SNTG2: variants seen among roughly 807,000 people sequenced by gnomAD.
SNTG2 encodes the protein syntrophin gamma 2.
Under a neutral mutation model 70.9 loss-of-function variants are expected in SNTG2, and 74 were observed. The observed-to-expected ratio is 1.04, with a 90% CI of 0.86 to 1.27. SNTG2 has a LOEUF of 1.27. Ranked by LOEUF, SNTG2 falls within the 50% of genes most tolerant of loss-of-function variation. The pLI is 0.00. For synonymous variants in SNTG2, 278 were observed against 273.8 expected (o/e 1.02, Z -0.15); for missense variants, 717 against 690.7 (o/e 1.04, Z -0.43).
intron 7 of SNTG2, among the ~76,000 whole-genome samples, chr2:1,168,278 G>T (rs932849622): frequency 6.5e-5 from 9 of 138,872 alleles, no homozygotes; most frequent in Non-Finnish European, 1.6e-5. Context: ...CAGAACTGAA[G>T]CCTAGAAGCC....
intron 6 of SNTG2, among the ~76,000 whole-genome samples, chr2:1,154,654 A>G (rs1294148574): frequency 6.6e-6 from 1 of 151,986 alleles, no homozygotes; most frequent in Non-Finnish European, 1.5e-5. Context: ...ATCAAATACC[A>G]CCGCATGTCT....
intron 1 of SNTG2, among the ~76,000 whole-genome samples, chr2:957,308 T>G (rs1439583121): frequency 2.6e-5 from 4 of 151,954 alleles, no homozygotes; most frequent in Admixed American, 2.6e-4. Context: ...CACTAGAAAT[T>G]TTACCACCTC....
chr2:1,155,176 C>CA lies in SNTG2; in HGVS notation c.412-10372_412-10371insA, dbSNP rs547352326. Among the ~76,000 whole-genome samples the CA allele has an allele frequency of 6.0e-4, 88 of 147,354 alleles. No homozygotes were observed. In the East Asian group the frequency reaches 9.1e-3, roughly 15 times the overall value. Reference sequence around the variant, plus strand: ...ATACACACACACACGTAGACCCCCCCCCCACACACATATATAGACCACACA... The same window carrying CA: ...ATACACACACACACGTAGACCCCCCCACCCACACACATATATAGACCACACA... On this transcript the variant is annotated intron_variant, in intron 6 of 16. Coordinates refer to ENST00000308624, the MANE Select transcript of SNTG2 (RefSeq NM_018968.4).
At chr2:1,172,956 C>A in intron 7 of SNTG2, 136 bp from the exon 8 acceptor site, 3 of 733,428 alleles carry the variant, frequency 4.1e-6, no homozygotes, top group South Asian at 3.5e-5. Context: ...TTGGGGATGA[C>A]CCAGCCCATA....
intron 7 of SNTG2, among the ~76,000 whole-genome samples, chr2:1,167,386 A>G (rs1670794151): frequency 6.7e-6 from 1 of 148,972 alleles, no homozygotes. Flanking sequence ...GCAGAACTGA[A>G]ACCTACAGGC....
At chr2:1,226,007 G>GA (rs879492996) in intron 9 of SNTG2, among the ~76,000 whole-genome samples, 78 of 137,290 alleles carry the variant, frequency 5.7e-4, no homozygotes, top group African/African-American at 9.8e-4. Context: ...CTGGAAAAAA[G>GA]AAAAAAAAAA....
In SNTG2 at chr2:1,314,670, C is replaced by T. The variant is rs148398878; in HGVS notation, c.1378-1595C>T. On this transcript the variant is annotated intron_variant, in intron 15 of 16. Coordinates refer to ENST00000308624, the MANE Select transcript of SNTG2 (RefSeq NM_018968.4). The stretch of plus-strand genomic sequence containing the variant: ...GCTTCACTTCTGGAATTGACAACCA[C>T]GGGATATTAGTCCATTCTCATACTG... Among the ~76,000 whole-genome samples, 18 of 152,328 alleles carry T rather than the reference C, an allele frequency of 1.2e-4. No homozygotes were observed. In the East Asian group the frequency reaches 1.4e-3, roughly 11 times the overall value.
At chr2:1,346,482 A>T (rs1475958601) in intron 16 of SNTG2, 1 of 151,848 alleles carries the variant, frequency 6.6e-6, no homozygotes, top group Non-Finnish European at 1.5e-5. Flanking sequence ...ATCCCACCCA[A>T]CCTCTCCAGT....
At chr2:1,111,771 T>C (rs2148250014) in intron 4 of SNTG2, among the ~76,000 whole-genome samples, 1 of 152,378 alleles carries the variant, frequency 6.6e-6, no homozygotes, top group Non-Finnish European at 1.5e-5. Context: ...GGTTTAACCC[T>C]TACAGTCCTT....
chr2:1,019,760 A>G (rs1660054305), intron 1 of SNTG2, among the ~76,000 whole-genome samples: 1 of 152,252 alleles, frequency 6.6e-6, no homozygotes, highest in South Asian at 2.1e-4. Flanking sequence ...ATTAACATCA[A>G]CACAGAGGCC....
chr2:1,042,733 G>T (rs1184033408), intron 1 of SNTG2, among the ~76,000 whole-genome samples: 1 of 152,158 alleles, frequency 6.6e-6, no homozygotes, highest in African/African-American at 2.4e-5. Flanking sequence ...GTATTCCATG[G>T]TGTATATGGA....
At chr2:1,366,672 C>T (rs977452688) in intron 16 of SNTG2, among the ~76,000 whole-genome samples, 3 of 152,208 alleles carry the variant, frequency 2.0e-5, no homozygotes, top group Admixed American at 2.0e-4. Flanking sequence ...TCGCTTCCCG[C>T]CGTGCTGTGC....
Position 951,012 on chromosome 2 carries a change from C to T in SNTG2, c.16C>T (p.Pro6Ser), listed in dbSNP as rs1379479844. 1.6e-6 allele frequency: 2 copies of T among 1,262,250 alleles called. No individual in the cohort carries two copies. Among genetic ancestry groups the T allele is most frequent in the Admixed American group, 4.0e-5 (1 of 25,164 alleles). 78.2% of individuals were successfully genotyped at this position (1,262,250 alleles called of 1,614,324 possible). A position where few individuals can be genotyped will look rare whatever the true frequency, so the allele number is the denominator to read the frequency against. ...AGGGGCGGCGATGGGCACCGAGGGACCCCCGCCCCCGGCCGCCTCCCGCGG... is the reference window on the plus strand; with the variant it reads ...AGGGGCGGCGATGGGCACCGAGGGATCCCCGCCCCCGGCCGCCTCCCGCGG... MGTEG[P>S]PPPAASRGRQ... is the part of the protein sequence containing the mutation. The change falls in exon 1 of 17, where the codon CCC becomes TCC. Residue 6 changes from proline to serine, a missense_variant. By Grantham distance (74) the Pro-to-Ser change is moderately conservative. Coordinates refer to ENST00000308624, the MANE Select transcript of SNTG2 (RefSeq NM_018968.4).
intron 1 of SNTG2, among the ~76,000 whole-genome samples, chr2:1,058,677 G>A (rs1662618170): frequency 6.6e-6 from 1 of 152,218 alleles, no homozygotes. Flanking sequence ...CATGGGAGTA[G>A]CATCATCCTT....
At chr2:1,014,501 A>G (rs1365204632) in intron 1 of SNTG2, among the ~76,000 whole-genome samples, 6 of 81,224 alleles carry the variant, frequency 7.4e-5, no homozygotes, top group South Asian at 4.0e-4. Flanking sequence ...TGGTCTGGAG[A>G]GGGATTTATA....
At chr2:1,153,366 T>C (rs1330438722) in intron 6 of SNTG2, among the ~76,000 whole-genome samples, 1 of 152,230 alleles carries the variant, frequency 6.6e-6, no homozygotes, top group Non-Finnish European at 1.5e-5. Context: ...CCATTAACCC[T>C]TGTTACATGA....
At chr2:1,099,015 C>T (rs1428970117) in intron 4 of SNTG2, among the ~76,000 whole-genome samples, 1 of 152,228 alleles carries the variant, frequency 6.6e-6, no homozygotes, top group Non-Finnish European at 1.5e-5. Context: ...TCTGGCCACA[C>T]ATTCCACTAT....
chr2:1,326,691 C>CA (rs548890428), intron 16 of SNTG2, among the ~76,000 whole-genome samples: 83 of 151,538 alleles, frequency 5.5e-4, no homozygotes, highest in South Asian at 1.0e-3. Flanking sequence ...TTGCTCAAAA[C>CA]AAAAAAAATC....
chr2:1,158,515 GAAGAA>G (rs1558469728), intron 6 of SNTG2: 3 of 152,014 alleles, frequency 2.0e-5, no homozygotes, highest in African/African-American at 7.3e-5. Flanking sequence ...GAGAAAGAAA[GAAGAA>G]TATTCATGAC....
Sources: gnomAD v4.1 joint callset for allele counts (sites outside exome capture counted in the v4.1 genomes callset) on GRCh38, gnomAD v4.1.1 for gene constraint, MANE v1.5 for transcripts, NCBI Gene and HGNC (gene_info 2026-07-23, HGNC 2026-07-21) for gene names.